Variants in NR3C2 observed in about 807,000 individuals in gnomAD.
NR3C2 encodes the protein mineralocorticoid receptor.
In NR3C2, 15 loss-of-function variants were observed where a neutral mutation model predicts 86.4. The ratio of observed to expected loss-of-function variants is 0.17; its 90% CI spans 0.12 to 0.27. The LOEUF (loss-of-function observed/expected upper bound fraction) is 0.27, where lower values mean the gene tolerates loss of function less well. Ranked by LOEUF, NR3C2 falls within the 10% of genes least tolerant of loss-of-function variation. The pLI is 1.00. For synonymous variants in NR3C2, 458 were observed against 450.5 expected (o/e 1.02, Z -0.21); for missense variants, 960 against 1,195.6 (o/e 0.80, Z 2.91).
chr4:148,220,160 C>T (rs1737763062), intron 3 of NR3C2, among the ~76,000 whole-genome samples: 2 of 152,096 alleles, frequency 1.3e-5, no homozygotes, highest in Admixed American at 6.5e-5. Context: ...AATCATTGCT[C>T]ACTGCAGTCT....
intron 2 of NR3C2, among the ~76,000 whole-genome samples, chr4:148,426,450 T>C (rs1749535399): frequency 6.6e-6 from 1 of 152,236 alleles, no homozygotes; most frequent in Admixed American, 6.5e-5. Context: ...GGAGAAGCCA[T>C]GCTGTTTCTC....
chr4:148,136,708 G>A (rs1014598826), intron 6 of NR3C2, among the ~76,000 whole-genome samples: 10 of 151,904 alleles, frequency 6.6e-5, no homozygotes, highest in African/African-American at 1.7e-4. Flanking sequence ...GTGCAATGGC[G>A]CAATCTCAGC....
intron 2 of NR3C2, among the ~76,000 whole-genome samples, chr4:148,264,933 T>C (rs1487657356): frequency 6.6e-6 from 1 of 152,216 alleles, no homozygotes. Flanking sequence ...TTGGTTAAAA[T>C]GTCTGAATAA....
chr4:148,420,709 G>A (rs12509783), intron 2 of NR3C2, among the ~76,000 whole-genome samples: 10,070 of 152,224 alleles, frequency 0.066, 399 homozygotes, highest in African/African-American at 0.12. Context: ...CCTGGTGGGA[G>A]GGGATTGAAT....
At chr4:148,233,456 G>A (rs1204130562) in intron 3 of NR3C2, among the ~76,000 whole-genome samples, 2 of 149,878 alleles carry the variant, frequency 1.3e-5, no homozygotes, top group Non-Finnish European at 3.0e-5. Context: ...ACTTCCCTTG[G>A]TTTAAATGAT....
intron 2 of NR3C2, among the ~76,000 whole-genome samples, chr4:148,338,922 C>T (rs1017457924): frequency 6.6e-6 from 1 of 151,764 alleles, no homozygotes; most frequent in Non-Finnish European, 1.5e-5. Context: ...TTCCAAACAC[C>T]TAAAATATTT....
At chr4:148,162,425 C>T (rs1028998190) in intron 4 of NR3C2, among the ~76,000 whole-genome samples, 1 of 151,992 alleles carries the variant, frequency 6.6e-6, no homozygotes, top group African/African-American at 2.4e-5. Flanking sequence ...TAATGCCAAT[C>T]AAACTCAGGA....
At chr4:148,443,222 C>CAAAAAAAAAAAAAAAAAAAA (rs59506438), upstream of NR3C2, among the ~76,000 whole-genome samples, 1 of 40,978 alleles carries the variant, frequency 2.4e-5, no homozygotes, top group African/African-American at 1.3e-4. Context: ...CCCCTAACAC[C>CAAAAAAAAAAAAAAAAAAAA]AAAAAAAAAA....
At chr4:148,168,270 A>C (rs912100483) in intron 4 of NR3C2, among the ~76,000 whole-genome samples, 1 of 152,248 alleles carries the variant, frequency 6.6e-6, no homozygotes, top group Non-Finnish European at 1.5e-5. Context: ...AGTGATGCAC[A>C]GAAAGACTAA....
At chr4:148,238,201 C>T (rs1738839126) in intron 3 of NR3C2, among the ~76,000 whole-genome samples, 1 of 152,116 alleles carries the variant, frequency 6.6e-6, no homozygotes, top group African/African-American at 2.4e-5. Context: ...GGAAATGACA[C>T]TCAAATTTAT....
At chr4:148,264,961 T>C (rs1740302549) in intron 2 of NR3C2, among the ~76,000 whole-genome samples, 1 of 152,198 alleles carries the variant, frequency 6.6e-6, no homozygotes, top group Non-Finnish European at 1.5e-5. Context: ...CAATAGATGG[T>C]ATTCTGCATC....
intron 2 of NR3C2, among the ~76,000 whole-genome samples, chr4:148,321,882 A>C (rs1383442110): frequency 1.3e-5 from 2 of 152,156 alleles, no homozygotes; most frequent in African/African-American, 4.8e-5. Flanking sequence ...ATTTACATTT[A>C]AAGTTAATAT....
intron 3 of NR3C2, among the ~76,000 whole-genome samples, chr4:148,203,474 T>A (rs933885352): frequency 6.6e-6 from 1 of 151,942 alleles, no homozygotes; most frequent in Non-Finnish European, 1.5e-5. Flanking sequence ...AGTTGACAAC[T>A]GCCCAGCAAC....
chr4:148,424,761 G>A (rs1025440060), intron 2 of NR3C2, among the ~76,000 whole-genome samples: 8 of 151,884 alleles, frequency 5.3e-5, no homozygotes, highest in East Asian at 3.8e-4. Flanking sequence ...TGGTCACTAC[G>A]GTTTGGGAGT....
Position 148,381,814 on chromosome 4 carries a change from T to C in NR3C2, c.1757+53290A>G, listed in dbSNP as rs563238107. On this transcript the variant is annotated intron_variant, in intron 2 of 8. Coordinates refer to ENST00000358102, the MANE Select transcript of NR3C2 (RefSeq NM_000901.5). ...AAAGTACCAAACCCATTTGGTGAGCTCTGTTAACGCTTGTGTGTATTTTTC... is the reference window on the plus strand; with the variant it reads ...AAAGTACCAAACCCATTTGGTGAGCCCTGTTAACGCTTGTGTGTATTTTTC... Among the ~76,000 whole-genome samples the C allele has an allele frequency of 1.4e-4, 22 of 152,292 alleles. No individual in the cohort carries two copies. The South Asian group carries it at 4.6e-3, about 32-fold the overall frequency.
intron 2 of NR3C2, among the ~76,000 whole-genome samples, chr4:148,329,834 T>C (rs907774569): frequency 6.6e-6 from 1 of 152,232 alleles, no homozygotes; most frequent in Non-Finnish European, 1.5e-5. Context: ...GATTTTTCCA[T>C]GAACTTTAAT....
intron 2 of NR3C2, among the ~76,000 whole-genome samples, chr4:148,342,261 C>T (rs1297400797): frequency 6.6e-6 from 1 of 151,854 alleles, no homozygotes. Flanking sequence ...CAAACTAGTA[C>T]CATAAATAAC....
intron 4 of NR3C2, among the ~76,000 whole-genome samples, chr4:148,178,981 G>A (rs1395163334): frequency 6.8e-6 from 1 of 147,372 alleles, no homozygotes; most frequent in Non-Finnish European, 1.5e-5. Context: ...CAAAGAGAAA[G>A]TCCTAGAAAT....
intron 2 of NR3C2, among the ~76,000 whole-genome samples, chr4:148,351,475 T>C (rs1283444459): frequency 2.0e-5 from 3 of 152,158 alleles, no homozygotes; most frequent in Non-Finnish European, 4.4e-5. Flanking sequence ...AACATTTGCC[T>C]CTTTCTTCTT....
Sources: allele counts gnomAD v4.1 joint callset (sites outside exome capture counted in the v4.1 genomes callset), GRCh38; gene constraint gnomAD v4.1.1; transcripts MANE v1.5; gene names NCBI Gene and HGNC (gene_info 2026-07-23, HGNC 2026-07-21).